The following NUP98 variants were observed in gnomAD, a reference collection of about 807,000 sequenced individuals.
The protein encoded by NUP98 is nucleoporin 98 and 96 precursor, also known as nuclear pore complex protein Nup98-Nup96.
Under a neutral mutation model 191.9 loss-of-function variants are expected in NUP98, and 26 were observed. The observed-to-expected ratio is 0.14, with a 90% confidence interval of 0.10 to 0.19. The LOEUF (loss-of-function observed/expected upper bound fraction) is 0.19. NUP98 is among the 10% of genes least tolerant of loss of function. The pLI is 1.00. For synonymous variants in NUP98, 808 were observed against 778.4 expected (o/e 1.04, Z -0.63); for missense variants, 1,941 against 2,178.8 (o/e 0.89, Z 2.17).
chr11:3,690,259 AT>A (rs199799610), intron 28 of NUP98, among the ~76,000 whole-genome samples: 104 of 137,846 alleles, frequency 7.5e-4, no homozygotes, highest in Middle Eastern at 4.2e-3. Context: ...GGCTGTCTGC[AT>A]TTTTTTTTTT....
intron 17 of NUP98, 137 bp downstream of exon 17, chr11:3,720,575 A>G (rs2079353017): frequency 4.3e-6 from 2 of 470,258 alleles, no homozygotes; most frequent in Non-Finnish European, 7.7e-6. Context: ...TTACTTATCA[A>G]TCAAAGTATT....
chr11:3,709,313 C>T (rs1338266789), intron 20 of NUP98, among the ~76,000 whole-genome samples: 1 of 152,018 alleles, frequency 6.6e-6, no homozygotes, highest in Non-Finnish European at 1.5e-5. Context: ...GAGGCTGAGG[C>T]GGATCACTTG....
chr11:3,776,152 T>A, intron 4 of NUP98, 131 bp from the exon 5 acceptor site: 1 of 648,424 alleles, frequency 1.5e-6, no homozygotes, highest in Non-Finnish European at 2.6e-6. Flanking sequence ...GACAGGGTCT[T>A]GCTCTGTCTC....
chr11:3,747,294 T>C (rs1028863336), intron 11 of NUP98, among the ~76,000 whole-genome samples: 1 of 152,178 alleles, frequency 6.6e-6, no homozygotes, highest in Non-Finnish European at 1.5e-5. Context: ...TATTCCAAAA[T>C]TGTTAGAATT....
rs756956216 is a variant in NUP98 at position 3,778,857 on chromosome 11, G to C, written c.355+16C>G. The C allele has an allele frequency of 6.2e-7, 1 of 1,611,562 alleles. No homozygotes were observed. Among genetic ancestry groups the C allele is most frequent in the Non-Finnish European group, 8.5e-7 (1 of 1,178,536 alleles). ...CCAAATTATTAGATGCAGAACTCCA[G>C]TGATGTCCCACTTACTGCCAAAGCC... On this transcript the variant is annotated intron_variant, in intron 4 of 32. Coordinates refer to ENST00000324932, the MANE Select transcript of NUP98 (RefSeq NM_016320.5).
At chr11:3,759,011 T>C (rs530561364) in intron 10 of NUP98, among the ~76,000 whole-genome samples, 6 of 152,346 alleles carry the variant, frequency 3.9e-5, no homozygotes, top group Admixed American at 2.0e-4. Flanking sequence ...CTTCTTCCTG[T>C]AGTTGATAAA....
chr11:3,704,519 G>T (rs1278208007), intron 22 of NUP98, among the ~76,000 whole-genome samples: 1 of 152,196 alleles, frequency 6.6e-6, no homozygotes, highest in Admixed American at 6.5e-5. Context: ...GTGCTGTAAG[G>T]ACTGCACAAA....
chr11:3,706,111 G>C (rs2078851704), intron 21 of NUP98, among the ~76,000 whole-genome samples: 1 of 151,878 alleles, frequency 6.6e-6, no homozygotes, highest in Admixed American at 6.6e-5. Context: ...GGAGGTTGCA[G>C]TGAACCAAGA....
intron 26 of NUP98, among the ~76,000 whole-genome samples, chr11:3,693,955 G>C (rs1175417248): frequency 6.6e-6 from 1 of 152,152 alleles, no homozygotes; most frequent in Non-Finnish European, 1.5e-5. Context: ...TGCCAGCCAG[G>C]CACTGTGGCT....
At position 3,797,387 on chromosome 11, in the gene NUP98, G is replaced by A. The variant is rs2082719431; in HGVS notation, c.-29+13C>T. The A allele has an allele frequency of 7.4e-6, 3 of 403,414 alleles. No homozygotes were observed. Among genetic ancestry groups the A allele is most frequent in the Non-Finnish European group, 8.7e-6 (2 of 228,722 alleles). The allele number at this position is 403,414 out of a possible 1,614,324, so 25.0% of individuals were successfully genotyped here. ...GCCGGTCTCGGCCGCTGCAGCTCGG[G>A]CTCCCGACTTACCGCGGTTCGGTGG... On this transcript the variant is annotated intron_variant, in intron 1 of 32. Coordinates refer to ENST00000324932, the MANE Select transcript of NUP98 (RefSeq NM_016320.5).
chr11:3,745,096 T>A (rs2080442003), intron 11 of NUP98, among the ~76,000 whole-genome samples: 1 of 152,194 alleles, frequency 6.6e-6, no homozygotes, highest in African/African-American at 2.4e-5. Flanking sequence ...CAAACCTAGG[T>A]GTATTTGACA....
intron 20 of NUP98, among the ~76,000 whole-genome samples, chr11:3,707,456 A>G (rs1261661128): frequency 6.6e-6 from 1 of 152,026 alleles, no homozygotes; most frequent in Non-Finnish European, 1.5e-5. Context: ...TCAAACCAAA[A>G]AAAATTCTAG....
At chr11:3,730,667 T>A (rs1030333381) in intron 14 of NUP98, among the ~76,000 whole-genome samples, 1 of 151,700 alleles carries the variant, frequency 6.6e-6, no homozygotes, top group African/African-American at 2.4e-5. Flanking sequence ...CCCGGCCGGA[T>A]TACTGTATTT....
intron 1 of NUP98, among the ~76,000 whole-genome samples, chr11:3,794,306 A>G (rs11029779): frequency 0.55 from 84,289 of 151,958 alleles, 24,431 homozygotes; most frequent in African/African-American, 0.73. Flanking sequence ...CCTCTAATAC[A>G]TACTGTTTTG....
intron 14 of NUP98, among the ~76,000 whole-genome samples, chr11:3,729,708 C>A (rs2079763844): frequency 1.6e-5 from 1 of 64,448 alleles, no homozygotes. Flanking sequence ...GCATAAGACT[C>A]TTGCCTCAAA....
chr11:3,707,559 C>A (rs1400518912), intron 20 of NUP98, among the ~76,000 whole-genome samples: 1 of 149,466 alleles, frequency 6.7e-6, no homozygotes, highest in Non-Finnish European at 1.5e-5. Context: ...ACTAGTCTGG[C>A]CAACATGGTG....
chr11:3,724,618 C>A lies in NUP98; in HGVS notation c.1847+485G>T, dbSNP rs182497221. ...ACCATCCTTGGCTAACAAGGTGAAA[C>A]GCCGTCTCTACTAAAAATACAAAAA... On this transcript the variant is annotated intron_variant, in intron 15 of 32. Transcript: ENST00000324932. Among the ~76,000 whole-genome samples the A allele has an allele frequency of 3.7e-3, 560 of 151,354 alleles. 1 individual carries two copies. The highest frequency in any genetic ancestry group is 0.013 in the African/African-American group (535 of 41,250).
chr11:3,777,081 CA>C (rs2133927667), intron 4 of NUP98, among the ~76,000 whole-genome samples: 1 of 152,080 alleles, frequency 6.6e-6, no homozygotes, highest in African/African-American at 2.4e-5. Flanking sequence ...TACACATAAC[CA>C]AAAACTTTAG....
At chr11:3,768,546 A>C in intron 8 of NUP98, 35 bp downstream of exon 8, 1 of 1,477,704 alleles carries the variant, frequency 6.8e-7, no homozygotes. Context: ...CTCTAAAAAT[A>C]AGACATGGAG....
Sources: allele counts gnomAD v4.1 joint callset (sites outside exome capture counted in the v4.1 genomes callset), GRCh38; gene constraint gnomAD v4.1.1; transcripts MANE v1.5; gene names NCBI Gene and HGNC (gene_info 2026-07-23, HGNC 2026-07-21).